The following IQGAP2 variants were observed in gnomAD, a reference collection of about 807,000 sequenced individuals.
The protein encoded by IQGAP2 is ras GTPase-activating-like protein IQGAP2.
Under a neutral mutation model 201.3 loss-of-function variants are expected in IQGAP2, and 173 were observed. That is an observed-to-expected ratio of 0.86 (90% CI 0.76 to 0.98). The LOEUF (loss-of-function observed/expected upper bound fraction) is 0.98, where lower values mean the gene tolerates loss of function less well. IQGAP2 is among the 50% of genes least tolerant of loss of function. The probability of loss-of-function intolerance (pLI) is 0.00; values close to 1 mark genes in which losing one functional copy is unlikely to be tolerated. For missense variants in IQGAP2, 1,687 were observed against 1,864.8 expected (o/e 0.90, Z 1.76); for synonymous variants, 675 against 673.9 (o/e 1.00, Z -0.03).
At chr5:76,510,972 G>T (rs546205446) in intron 2 of IQGAP2, among the ~76,000 whole-genome samples, 25 of 152,336 alleles carry the variant, frequency 1.6e-4, no homozygotes, top group Non-Finnish European at 3.2e-4. Flanking sequence ...CAACATCTAT[G>T]ACAGTTGGAT....
intron 4 of IQGAP2, among the ~76,000 whole-genome samples, chr5:76,572,487 G>A (rs1305575007): frequency 1.3e-5 from 2 of 151,766 alleles, no homozygotes; most frequent in Non-Finnish European, 2.9e-5. Flanking sequence ...TTATCAGGCT[G>A]TTAGTTTCAA....
intron 4 of IQGAP2, among the ~76,000 whole-genome samples, chr5:76,573,174 A>G (rs911241281): frequency 6.6e-6 from 1 of 152,248 alleles, no homozygotes; most frequent in African/African-American, 2.4e-5. Flanking sequence ...GGCAACATCA[A>G]ATTCAGATAA....
Position 76,637,052 on chromosome 5 carries a change from G to A in IQGAP2, c.1799G>A (p.Trp600Ter). Residue 600 changes from tryptophan to a stop codon, truncating the protein, a stop_gained, in exon 16 of 36, where the codon TGG (tryptophan) becomes TAG (stop). Transcript: ENST00000274364. LOFTEE classifies it high-confidence loss of function. ...KSERVSSDGS[W>*]LKLNLHKKYD... ...TCTTTAGTGTCTAGTGACGGTTCAT[G>A]GCTCAAACTCAACCTGCACAAAAAA... 6.2e-7 allele frequency: 1 copy of A among 1,609,066 alleles called. No homozygotes were observed. The highest frequency in any genetic ancestry group is 8.5e-7 in the Non-Finnish European group (1 of 1,177,544).
intron 10 of IQGAP2, 81 bp from the exon 11 acceptor site, chr5:76,600,731 T>G: frequency 6.7e-7 from 1 of 1,501,530 alleles, no homozygotes. Context: ...TGTTGTTTGT[T>G]GAAATGTGCA....
chr5:76,443,120 T>C (rs558440057), intron 1 of IQGAP2, among the ~76,000 whole-genome samples: 3 of 152,322 alleles, frequency 2.0e-5, no homozygotes, highest in South Asian at 2.1e-4. Flanking sequence ...AAAATTGTTT[T>C]AGGAAGGGGC....
chr5:76,416,684 C>A (rs918451531), intron 1 of IQGAP2, among the ~76,000 whole-genome samples: 1 of 152,104 alleles, frequency 6.6e-6, no homozygotes, highest in African/African-American at 2.4e-5. Context: ...CATGCCACCA[C>A]GCGTGGCTAA....
chr5:76,595,799 A>AG (rs749277913), intron 9 of IQGAP2, among the ~76,000 whole-genome samples: 44 of 151,490 alleles, frequency 2.9e-4, no homozygotes, highest in Admixed American at 7.9e-4. Flanking sequence ...AGAGAGAGAG[A>AG]AAACAGTGTT....
chr5:76,543,933 G>T (rs1742938510), intron 2 of IQGAP2, among the ~76,000 whole-genome samples: 1 of 152,184 alleles, frequency 6.6e-6, no homozygotes, highest in African/African-American at 2.4e-5. Context: ...GAACAATAAT[G>T]AAATTGTTAG....
At chr5:76,469,416 G>C (rs1235591168) in intron 2 of IQGAP2, among the ~76,000 whole-genome samples, 2 of 148,874 alleles carry the variant, frequency 1.3e-5, no homozygotes, top group Non-Finnish European at 3.0e-5. Flanking sequence ...TTTTTTTTGA[G>C]ACGTAGTGTC....
intron 13 of IQGAP2, among the ~76,000 whole-genome samples, chr5:76,620,333 C>T (rs1016965445): frequency 5.3e-5 from 8 of 151,104 alleles, no homozygotes; most frequent in Admixed American, 4.0e-4. Flanking sequence ...GAGGCGAACA[C>T]GTGAGACTCT....
chr5:76,640,897 G>A, intron 16 of IQGAP2, 36 bp from the exon 17 acceptor site: 2 of 1,476,310 alleles, frequency 1.4e-6, no homozygotes, highest in Non-Finnish European at 1.9e-6. Flanking sequence ...TTCAGCTGAT[G>A]TGTGAAGTGT....
intron 1 of IQGAP2, among the ~76,000 whole-genome samples, chr5:76,431,942 G>A (rs1391975151): frequency 2.0e-5 from 3 of 151,738 alleles, no homozygotes; most frequent in African/African-American, 7.3e-5. Context: ...TTTTATAATG[G>A]TTTTAATAGA....
At chr5:76,476,594 G>T (rs1452619720) in intron 2 of IQGAP2, among the ~76,000 whole-genome samples, 1 of 152,132 alleles carries the variant, frequency 6.6e-6, no homozygotes, top group Non-Finnish European at 1.5e-5. Context: ...TAGGCTTGGG[G>T]TATGTTTAAG....
In IQGAP2 at chr5:76,631,983, C is replaced by G. The variant is rs1373865545; in HGVS notation, c.1737C>G (p.Tyr579Ter). 6.2e-6 allele frequency: 10 copies of G among 1,611,336 alleles called. No homozygotes were observed. In the South Asian group the frequency reaches 1.1e-4, roughly 18 times the overall value. Residue 579 changes from tyrosine (Y) to a stop codon, truncating the protein, a stop_gained, in exon 15 of 36, where the codon TAC becomes TAG. Coordinates refer to ENST00000274364, the MANE Select transcript of IQGAP2 (RefSeq NM_006633.5). LOFTEE classifies it high-confidence loss of function. ...TAATCCCGGAGTGTGCTGACAAATA[C>G]TATGATGCCCTTGTGAAGGCAAAAG... ...NDIIPECADK[Y>*]YDALVKAKEL...
intron 2 of IQGAP2, among the ~76,000 whole-genome samples, chr5:76,536,492 G>T (rs1759628467): frequency 6.6e-6 from 1 of 151,830 alleles, no homozygotes; most frequent in South Asian, 2.1e-4. Context: ...GGGCACGGTG[G>T]CTCACGCCTG....
At chr5:76,663,383 T>C (rs1743441123) in intron 21 of IQGAP2, among the ~76,000 whole-genome samples, 1 of 152,150 alleles carries the variant, frequency 6.6e-6, no homozygotes. Flanking sequence ...TGAAAAAAGT[T>C]TTAGGAAAAG....
At chr5:76,420,468 C>T (rs1421644655) in intron 1 of IQGAP2, among the ~76,000 whole-genome samples, 3 of 151,690 alleles carry the variant, frequency 2.0e-5, no homozygotes, top group South Asian at 2.1e-4. Context: ...CTCCGCCTCC[C>T]GGGTTCAAGT....
In IQGAP2 at chr5:76,668,769, A is replaced by T; in HGVS notation, c.2768A>T (p.Tyr923Phe). The change falls in exon 23 of 36, where the codon TAT becomes TTT. Residue 923 changes from tyrosine to phenylalanine, a missense_variant. Tyr to Phe is a conservative substitution (Grantham distance 22). Transcript: ENST00000274364. ...ATGGATACTGTTATTTTCACACTAT[A>T]TAATTATGCCTCTAATCAGCGAGAA... ...KFMDTVIFTL[Y>F]NYASNQREEY... 1 of 1,609,884 alleles carries T rather than the reference A, an allele frequency of 6.2e-7. No homozygotes were observed. Among genetic ancestry groups the T allele is most frequent in the Non-Finnish European group, 8.5e-7 (1 of 1,177,554 alleles).
chr5:76,655,247 A>T (rs1307508149), intron 20 of IQGAP2, among the ~76,000 whole-genome samples: 2 of 146,176 alleles, frequency 1.4e-5, no homozygotes, highest in Admixed American at 1.4e-4. Flanking sequence ...TTCTTCAAAG[A>T]GAGTGGAGTT....
Sources: allele counts gnomAD v4.1 joint callset (sites outside exome capture counted in the v4.1 genomes callset), GRCh38; gene constraint gnomAD v4.1.1; transcripts MANE v1.5; gene names NCBI Gene and HGNC (gene_info 2026-07-23, HGNC 2026-07-21).